The following NPSR1 variants were observed in gnomAD, a reference collection of about 807,000 sequenced individuals.
NPSR1 encodes the protein neuropeptide S receptor 1.
A neutral mutation model predicts 46.9 loss-of-function variants in NPSR1; 48 were observed. The ratio of observed to expected loss-of-function variants is 1.02; its 90% confidence interval spans 0.81 to 1.30. The LOEUF (loss-of-function observed/expected upper bound fraction) is 1.30. Among genes scored for constraint, NPSR1 ranks in the 50% most tolerant of loss-of-function variants. The pLI, the probability that NPSR1 is intolerant of heterozygous loss-of-function variation, is 0.00. For missense variants in NPSR1, 450 were observed against 449.5 expected (o/e 1.00, Z -0.01); for synonymous variants, 176 against 168.1 (o/e 1.05, Z -0.36).
chr7:34,833,942 C>T (rs1477892327), intron 5 of NPSR1, among the ~76,000 whole-genome samples: 3 of 152,210 alleles, frequency 2.0e-5, no homozygotes, highest in African/African-American at 4.8e-5. Context: ...AGGCAAGTCA[C>T]CTGCTCTTCC....
chr7:34,688,875 A>C (rs1396374823), intron 2 of NPSR1, among the ~76,000 whole-genome samples: 1 of 152,204 alleles, frequency 6.6e-6, no homozygotes, highest in Non-Finnish European at 1.5e-5. Context: ...TTGGTAGAGC[A>C]AAGCTCTCTG....
At chr7:34,670,752 G>A (rs1275030717) in intron 1 of NPSR1, among the ~76,000 whole-genome samples, 1 of 151,858 alleles carries the variant, frequency 6.6e-6, no homozygotes, top group Non-Finnish European at 1.5e-5. Flanking sequence ...TTAAAAGAAT[G>A]TGTGAAAAAA....
chr7:34,688,167 A>G (rs1272448770), intron 2 of NPSR1, among the ~76,000 whole-genome samples: 2 of 152,202 alleles, frequency 1.3e-5, no homozygotes, highest in Non-Finnish European at 2.9e-5. Flanking sequence ...CAGATGATCT[A>G]CCTCTGCATG....
intron 3 of NPSR1, among the ~76,000 whole-genome samples, chr7:34,810,530 A>ACAC (rs1277567976): frequency 3.3e-5 from 5 of 152,194 alleles, no homozygotes; most frequent in Non-Finnish European, 7.4e-5. Context: ...GAAAAAGGGG[A>ACAC]GCTCTCTGAT....
rs34121024 is a variant in NPSR1, at chr7:34,869,871, C to T, written c.1026-8205C>T. 5.9e-3 allele frequency among the ~76,000 whole-genome samples: 897 copies of T among 151,924 alleles called. 17 individuals carry two copies. Among genetic ancestry groups the T allele is most frequent in the Middle Eastern group, 0.041 (12 of 294 alleles). ...TGGAGACCAAGGGTGCACATCTCTTCCCTACTCTGCATTCAGTGACATTGC... is the reference window on the plus strand; with the variant it reads ...TGGAGACCAAGGGTGCACATCTCTTTCCTACTCTGCATTCAGTGACATTGC... On this transcript the variant is annotated intron_variant, in intron 8 of 8. Coordinates refer to the NPSR1 transcript ENST00000359791.
At chr7:34,807,345 A>T (rs546484348) in intron 3 of NPSR1, among the ~76,000 whole-genome samples, 123 of 151,784 alleles carry the variant, frequency 8.1e-4, no homozygotes, top group African/African-American at 2.9e-3. Flanking sequence ...TATGAAGTCT[A>T]TTTTTTTCTA....
intron 2 of NPSR1, among the ~76,000 whole-genome samples, chr7:34,690,055 G>T (rs997493930): frequency 6.6e-6 from 1 of 151,900 alleles, no homozygotes; most frequent in Non-Finnish European, 1.5e-5. Context: ...CAGCCTTATA[G>T]GAGGCAGTGA....
chr7:34,812,889 A>G (rs953405431), intron 4 of NPSR1, among the ~76,000 whole-genome samples: 1 of 152,246 alleles, frequency 6.6e-6, no homozygotes, highest in African/African-American at 2.4e-5. Context: ...ATCTCATTCC[A>G]CACAATTTGG....
intron 3 of NPSR1, chr7:34,779,563 C>T: frequency 2.4e-6 from 3 of 1,242,232 alleles, no homozygotes; most frequent in Non-Finnish European, 3.2e-6. Context: ...TGAAGTTATT[C>T]CATATTCAGA....
chr7:34,838,651 G>A lies in NPSR1; in HGVS notation c.757+4191G>A, dbSNP rs139900054. 2.9e-4 allele frequency among the ~76,000 whole-genome samples: 44 copies of A among 152,268 alleles called. 1 individual carries two copies. The highest frequency in any genetic ancestry group is 9.9e-4 in the African/African-American group (41 of 41,556). On this transcript the variant is annotated intron_variant, in intron 6 of 8. Transcript: ENST00000360581. ...AAAGCTCAAGCCATCCTTAGTGCGA[G>A]AACCACTCTTCTTACTGGCAAATAT...
intron 2 of NPSR1, chr7:34,719,922 T>C (rs2128706928): frequency 6.6e-6 from 1 of 151,838 alleles, no homozygotes; most frequent in South Asian, 2.1e-4. Context: ...TGGAGCTGCA[T>C]TAGGAAACAC....
chr7:34,778,747 T>C (rs1290320682), intron 3 of NPSR1, among the ~76,000 whole-genome samples, 182 bp downstream of exon 3: 1 of 152,164 alleles, frequency 6.6e-6, no homozygotes, highest in Non-Finnish European at 1.5e-5. Flanking sequence ...ATAGTATCTA[T>C]ATAAAGAAAA....
intron 5 of NPSR1, among the ~76,000 whole-genome samples, chr7:34,829,446 C>T (rs1233812755): frequency 2.0e-5 from 3 of 152,122 alleles, no homozygotes; most frequent in African/African-American, 7.2e-5. Context: ...GGGAAGGGGC[C>T]CATGGCAGAG....
chr7:34,859,417 A>G (rs1450265778), intron 8 of NPSR1, among the ~76,000 whole-genome samples: 3 of 151,492 alleles, frequency 2.0e-5, no homozygotes, highest in Admixed American at 1.3e-4. Context: ...TGTCCCCCAG[A>G]GTGGAGATCT....
intron 4 of NPSR1, among the ~76,000 whole-genome samples, chr7:34,827,183 A>T (rs1228239655): frequency 6.6e-6 from 1 of 152,198 alleles, no homozygotes; most frequent in African/African-American, 2.4e-5. Context: ...AGGCCAGGCA[A>T]TGTGCTGGCT....
intron 5 of NPSR1, among the ~76,000 whole-genome samples, chr7:34,829,368 G>A (rs753091509): frequency 9.9e-5 from 15 of 152,164 alleles, no homozygotes; most frequent in Non-Finnish European, 2.1e-4. Flanking sequence ...CCATCAAGCT[G>A]AGCTTGAGAG....
At chr7:34,738,800 C>A (rs1373034110) in intron 2 of NPSR1, among the ~76,000 whole-genome samples, 1 of 152,082 alleles carries the variant, frequency 6.6e-6, no homozygotes, top group Admixed American at 6.5e-5. Flanking sequence ...AATTAAGCGG[C>A]AGTTAGTACA....
downstream of NPSR1, among the ~76,000 whole-genome samples, chr7:34,852,226 G>T (rs1790950381): frequency 6.6e-6 from 1 of 152,142 alleles, no homozygotes; most frequent in East Asian, 1.9e-4. Context: ...CATGAACCTG[G>T]GAGGCGGAGC....
At chr7:34,815,541 AAC>A (rs1288385587) in intron 4 of NPSR1, among the ~76,000 whole-genome samples, 1 of 152,208 alleles carries the variant, frequency 6.6e-6, no homozygotes, top group Non-Finnish European at 1.5e-5. Context: ...AAGGCAGGCC[AAC>A]ACTCAAATTC....
Sources: gnomAD v4.1 joint callset for allele counts (sites outside exome capture counted in the v4.1 genomes callset) on GRCh38, gnomAD v4.1.1 for gene constraint, MANE v1.5 for transcripts, NCBI Gene and HGNC (gene_info 2026-07-23, HGNC 2026-07-21) for gene names.